The following PTPN3 variants were observed in gnomAD, a reference collection of about 807,000 sequenced individuals.
PTPN3 encodes protein tyrosine phosphatase non-receptor type 3.
In PTPN3, 96 loss-of-function variants were observed where a neutral mutation model predicts 132.7. That is an observed-to-expected ratio of 0.72 (90% CI 0.61 to 0.86). The LOEUF (loss-of-function observed/expected upper bound fraction) is 0.86, where lower values mean the gene tolerates loss of function less well. PTPN3 is among the 40% of genes least tolerant of loss of function. The pLI, the probability that PTPN3 is intolerant of heterozygous loss-of-function variation, is 0.00. For missense variants in PTPN3, 1,125 were observed against 1,159.6 expected (o/e 0.97, Z 0.43); for synonymous variants, 398 against 429.0 (o/e 0.93, Z 0.89).
intron 5 of PTPN3, 187 bp from the exon 6 acceptor site, chr9:109,449,042 C>A: frequency 1.4e-6 from 2 of 1,409,316 alleles, no homozygotes; most frequent in South Asian, 1.6e-5. Context: ...ACTGATGGCT[C>A]ATGTTGATGC....
intron 9 of PTPN3, among the ~76,000 whole-genome samples, chr9:109,433,383 G>A (rs1843798414): frequency 6.6e-6 from 1 of 152,182 alleles, no homozygotes; most frequent in South Asian, 2.1e-4. Context: ...AGCAACATGT[G>A]GGTGCCACTG....
chr9:109,474,790 G>A (rs1846566093), intron 1 of PTPN3, among the ~76,000 whole-genome samples: 1 of 152,168 alleles, frequency 6.6e-6, no homozygotes, highest in African/African-American at 2.4e-5. Context: ...ATGTAAGGCT[G>A]TGGGAAAGTT....
chr9:109,490,207 C>CA (rs1037641144), intron 1 of PTPN3, among the ~76,000 whole-genome samples: 8 of 151,416 alleles, frequency 5.3e-5, no homozygotes, highest in Non-Finnish European at 7.4e-5. Flanking sequence ...AAAAACAAAA[C>CA]AAAAAAAACC....
intron 1 of PTPN3, among the ~76,000 whole-genome samples, chr9:109,476,954 A>G (rs187732431): frequency 1.3e-3 from 190 of 151,390 alleles, no homozygotes; most frequent in Non-Finnish European, 2.3e-3. Context: ...TACACCCCTC[A>G]CTCCTGACTG....
At chr9:109,453,810 GACCAGCCTGGACGACATGGAA>G in intron 5 of PTPN3, among the ~76,000 whole-genome samples, 1 of 148,030 alleles carries the variant, frequency 6.8e-6, no homozygotes, top group South Asian at 2.2e-4. Flanking sequence ...AGGAGTTTGA[GACCAGCCTGGACGACATGGAA>G]ACCCCATCTC....
chr9:109,533,458 T>C, the PTPN3 span: 2 of 1,548,560 alleles, frequency 1.3e-6, no homozygotes, highest in African/African-American at 2.7e-5. Flanking sequence ...TTTAGGGTTT[T>C]CTGTGTGTCT....
the PTPN3 span, among the ~76,000 whole-genome samples, chr9:109,517,245 G>T: frequency 6.6e-6 from 1 of 152,116 alleles, no homozygotes; most frequent in Non-Finnish European, 1.5e-5. Context: ...ATTCACCTTT[G>T]TGTGGCCAGA....
chr9:109,410,361 A>C lies in PTPN3; in HGVS notation c.1368T>G (p.Ser456Arg). 1 of 1,614,126 alleles carries C rather than the reference A, an allele frequency of 6.2e-7. No homozygotes were observed. The highest frequency in any genetic ancestry group is 8.5e-7 in the Non-Finnish European group (1 of 1,180,010). Residue 456 changes from serine (S) to arginine (R), a missense_variant, in exon 15 of 26, where the codon AGT (serine) becomes AGG (arginine). By Grantham distance (110) the Ser-to-Arg change is moderately radical. Coordinates refer to ENST00000374541, the MANE Select transcript of PTPN3 (RefSeq NM_002829.4). ...AQSYLTQKSS[S>R]SVSPSSNAPG... ...GAGCATTTGAAGATGGAGACACAGA[A>C]CTGGATGACTTCTGGGTCAGGTAGC... is the stretch of plus-strand genomic sequence containing the variant.
chr9:109,446,792 CT>C (rs1360952842), intron 6 of PTPN3, among the ~76,000 whole-genome samples: 1 of 152,204 alleles, frequency 6.6e-6, no homozygotes, highest in Non-Finnish European at 1.5e-5. Flanking sequence ...CTCTGTTCTG[CT>C]CTCAACTTGG....
chr9:109,418,727 C>T (rs1019195946), intron 14 of PTPN3, among the ~76,000 whole-genome samples: 90 of 152,176 alleles, frequency 5.9e-4, no homozygotes, highest in Non-Finnish European at 9.0e-4. Context: ...GCTCATGTGA[C>T]TGAGGAACTG....
rs180774660 is a variant in PTPN3, at chr9:109,450,017, G to A, written c.369-1162C>T. ...CTCCATTTTTACAGATGACAAAATC[G>A]GAGCTCAGATAGGATATGTGAGGTC... On this transcript the variant is annotated intron_variant, in intron 5 of 25. Coordinates refer to ENST00000374541, the MANE Select transcript of PTPN3 (RefSeq NM_002829.4). 327 of 982,616 alleles carry A rather than the reference G, an allele frequency of 3.3e-4. No individual in the cohort carries two copies. The African/African-American group carries it at 4.6e-3, about 14-fold the overall frequency. 60.9% of individuals were successfully genotyped at this position (982,616 alleles called of 1,614,324 possible). A position where few individuals can be genotyped will look rare whatever the true frequency, so the allele number is the denominator to read the frequency against.
chr9:109,445,121 G>T, intron 7 of PTPN3, 119 bp downstream of exon 7: 1 of 981,202 alleles, frequency 1.0e-6, no homozygotes, highest in Non-Finnish European at 1.6e-6. Flanking sequence ...CCAGAGATAT[G>T]CTGCCCAGCA....
rs116563048 is a variant in PTPN3 at position 109,451,206 on chromosome 9, T to G, written c.369-2351A>C. On this transcript the variant is annotated intron_variant, in intron 5 of 25. Coordinates refer to ENST00000374541, the MANE Select transcript of PTPN3 (RefSeq NM_002829.4). ...GAGTTTGAGGCCAGTCTGGGCAACATAGCAAGACCCTGTTTCAAAAAATAT... is the reference window on the plus strand; with the variant it reads ...GAGTTTGAGGCCAGTCTGGGCAACAGAGCAAGACCCTGTTTCAAAAAATAT... 2.7e-3 allele frequency: 2,654 copies of G among 976,808 alleles called. 56 individuals are homozygous for G. The African/African-American group carries it at 0.044, about 16-fold the overall frequency. The allele number at this position is 976,808 out of a possible 1,614,324, so 60.5% of individuals were successfully genotyped here.
At chr9:109,402,291 TTTTTTA>T (rs1022540889) in intron 19 of PTPN3, among the ~76,000 whole-genome samples, 1 of 152,002 alleles carries the variant, frequency 6.6e-6, no homozygotes. Context: ...ATTTCCTTTT[TTTTTTA>T]TTTTTATTTT....
At chr9:109,450,909 T>C in intron 5 of PTPN3, 1 of 985,400 alleles carries the variant, frequency 1.0e-6, no homozygotes, top group Non-Finnish European at 1.2e-6. Context: ...TCTATACATC[T>C]TCTTTGACTC....
chr9:109,473,643 C>A (rs1392370029), intron 1 of PTPN3, among the ~76,000 whole-genome samples: 2 of 152,148 alleles, frequency 1.3e-5, no homozygotes, highest in African/African-American at 4.8e-5. Flanking sequence ...TGATGAGAAG[C>A]TAGTAACTAA....
At chr9:109,466,133 G>T (rs150844581) in intron 1 of PTPN3, among the ~76,000 whole-genome samples, 291 of 152,232 alleles carry the variant, frequency 1.9e-3, no homozygotes, top group African/African-American at 6.5e-3. Flanking sequence ...GCCCCACAAG[G>T]CTAGGTCTGC....
At chr9:109,445,626 C>T (rs954976563) in intron 6 of PTPN3, among the ~76,000 whole-genome samples, 3 of 152,216 alleles carry the variant, frequency 2.0e-5, no homozygotes, top group South Asian at 2.1e-4. Context: ...AAAAATTGTA[C>T]TCTGAGATCA....
At chr9:109,532,803 T>G in the PTPN3 span, 1 of 685,650 alleles carries the variant, frequency 1.5e-6, no homozygotes, top group Non-Finnish European at 2.1e-6. Context: ...ACTACACCGG[T>G]TGATGATAGA....
Sources: gnomAD v4.1 joint callset for allele counts (sites outside exome capture counted in the v4.1 genomes callset) on GRCh38, gnomAD v4.1.1 for gene constraint, MANE v1.5 for transcripts, NCBI Gene and HGNC (gene_info 2026-07-23, HGNC 2026-07-21) for gene names.